Variants in GOLGA8A observed in about 807,000 individuals in gnomAD.
GOLGA8A encodes golgin A8 family member A.
GOLGA8A carries 3 observed loss-of-function variants against 22.1 expected under a neutral mutation model. The ratio of observed to expected loss-of-function variants is 0.14; its 90% CI spans 0.06 to 0.35. The LOEUF is 0.35. GOLGA8A is among the 10% of genes least tolerant of loss of function. The pLI, the probability that GOLGA8A is intolerant of heterozygous loss-of-function variation, is 1.00. For missense variants in GOLGA8A, 16 were observed against 233.2 expected, an observed-to-expected ratio of 0.07 and a Z score of 6.07; for synonymous variants, 7 against 91.7, an observed-to-expected ratio of 0.08 and a Z score of 5.28.
chr15:34,427,468 T>C (rs7171828), intron 2 of GOLGA8A, among the ~76,000 whole-genome samples: 18,499 of 148,864 alleles, frequency 0.12, 2,390 homozygotes, highest in Non-Finnish European at 0.15. Context: ...TGGTTCCATT[T>C]TAACTTCTTC....
chr15:34,379,723 CTAA>C lies in GOLGA8A; in HGVS notation c.*1685_*1687del, dbSNP rs1341065660. 6.6e-6 allele frequency: 1 copy of C among 152,608 alleles called. No individual in the cohort carries two copies. The highest frequency in any genetic ancestry group is 1.5e-5 in the Non-Finnish European group (1 of 68,046). 9.5% of individuals were successfully genotyped at this position (152,608 alleles called of 1,614,324 possible). On this transcript the variant is annotated 3_prime_UTR_variant, in exon 25 of 25. Coordinates refer to ENST00000359187, the MANE Select transcript of GOLGA8A (RefSeq NM_181077.5). ...GCACACCTACATATCTCCCTACAACCTAATAATGTGATGTGTTTTGGAACACAG... is the reference window on the plus strand; with the variant it reads ...GCACACCTACATATCTCCCTACAACCTAATGTGATGTGTTTTGGAACACAG...
At chr15:34,423,153 C>T (rs150017562) in intron 2 of GOLGA8A, among the ~76,000 whole-genome samples, 2,124 of 124,270 alleles carry the variant, frequency 0.017, 511 homozygotes, top group Non-Finnish European at 0.026. Context: ...CATCACACTT[C>T]GAACCTTCCT....
At chr15:34,432,052 G>A (rs77762861) in intron 2 of GOLGA8A, among the ~76,000 whole-genome samples, 8 of 149,026 alleles carry the variant, frequency 5.4e-5, no homozygotes, top group Non-Finnish European at 8.9e-5. Context: ...AGAGTTTCAC[G>A]ACCAAACGTC....
In GOLGA8A at chr15:34,379,202, T is replaced by C. The variant is rs1891353457; in HGVS notation, c.*2209A>G. The C allele has an allele frequency of 1.3e-5, 2 of 152,674 alleles. No homozygotes were observed. Among genetic ancestry groups the C allele is most frequent in the Admixed American group, 1.3e-4 (2 of 15,286 alleles). 9.5% of individuals were successfully genotyped at this position (152,674 alleles called of 1,614,324 possible). The stretch of plus-strand genomic sequence containing the variant: ...AGAACTCATACATTGGTAAAATTCA[T>C]TCTAAGAAAACTTGGCAAATAACGC... On this transcript the variant is annotated 3_prime_UTR_variant, in exon 25 of 25. Coordinates refer to ENST00000359187, the MANE Select transcript of GOLGA8A (RefSeq NM_181077.5).
intron 1 of GOLGA8A, among the ~76,000 whole-genome samples, chr15:34,436,819 A>C (rs369575511): frequency 6.7e-6 from 1 of 149,664 alleles, no homozygotes. Context: ...CGTGCCCCCA[A>C]CCCGGCGCCT....
chr15:34,434,693 C>T (rs79141346), intron 2 of GOLGA8A, among the ~76,000 whole-genome samples: 11,977 of 149,132 alleles, frequency 0.08, 1,427 homozygotes, highest in East Asian at 0.16. Flanking sequence ...AATGAGCACC[C>T]CCAGCCCCCG....
At chr15:34,437,279 G>C (rs1404469572) in intron 1 of GOLGA8A, 119 bp downstream of exon 1, 1 of 145,406 alleles carries the variant, frequency 6.9e-6, no homozygotes, top group Non-Finnish European at 1.5e-5. Flanking sequence ...GGCAGCGCTC[G>C]GGAGCTCTTG....
intron 2 of GOLGA8A, among the ~76,000 whole-genome samples, chr15:34,411,422 ATGTGTGTGTGTGTGTGTG>A (rs3053180): frequency 1.0e-5 from 1 of 98,588 alleles, no homozygotes; most frequent in Non-Finnish European, 2.0e-5. Context: ...GAATTCATGA[ATGTGTGTGTGTGTGTGTG>A]TGTGTGTGTG....
chr15:34,431,343 A>ATC (rs1566914036), intron 2 of GOLGA8A, among the ~76,000 whole-genome samples: 2 of 119,310 alleles, frequency 1.7e-5, no homozygotes, highest in African/African-American at 3.2e-5. Context: ...ATATATATAT[A>ATC]TATCTCACAC....
At chr15:34,384,662 T>TAC (rs137863515) in intron 16 of GOLGA8A, among the ~76,000 whole-genome samples, 4 of 2,618 alleles carry the variant, frequency 1.5e-3, no homozygotes, top group African/African-American at 7.1e-3. Context: ...TCATACTATG[T>TAC]ACACACACAC....
chr15:34,379,135 A>G lies in GOLGA8A; in HGVS notation c.*2276T>C, dbSNP rs1059949. The stretch of plus-strand genomic sequence containing the variant: ...ATCAGCAGTCAATAATGCCACTTTA[A>G]GCAAAAGTCTTTCAGTATTTCCGTT... On this transcript the variant is annotated 3_prime_UTR_variant, in exon 25 of 25. Transcript: ENST00000359187. The G allele has an allele frequency of 3.3e-5, 5 of 152,776 alleles. No individual in the cohort carries two copies. The highest frequency in any genetic ancestry group is 2.1e-4 in the South Asian group (1 of 4,832). The allele number at this position is 152,776 out of a possible 1,614,324, so 9.5% of individuals were successfully genotyped here.
intron 1 of GOLGA8A, among the ~76,000 whole-genome samples, chr15:34,436,672 C>A (rs1471599358): frequency 2.0e-5 from 3 of 149,664 alleles, no homozygotes; most frequent in East Asian, 3.9e-4. Context: ...GGCCCGCCGC[C>A]CGACCCATGG....
rs1059933 is a variant in GOLGA8A, at chr15:34,379,225, C to T, written c.*2186G>A. 2.0e-5 allele frequency: 3 copies of T among 152,632 alleles called. No individual in the cohort carries two copies. Among genetic ancestry groups the T allele is most frequent in the African/African-American group, 4.8e-5 (2 of 41,452 alleles). 9.5% of individuals were successfully genotyped at this position (152,632 alleles called of 1,614,324 possible). On this transcript the variant is annotated 3_prime_UTR_variant, in exon 25 of 25. Transcript: ENST00000359187. ...CATTCTAAGAAAACTTGGCAAATAA[C>T]GCTTTGGCCTGGAATTGGCATTTCT...
At chr15:34,423,691 G>A (rs1218269621) in intron 2 of GOLGA8A, among the ~76,000 whole-genome samples, 1 of 148,664 alleles carries the variant, frequency 6.7e-6, no homozygotes, top group Non-Finnish European at 1.5e-5. Context: ...GGGGCCATGG[G>A]TCCCAGTGGA....
At position 34,430,903 on chromosome 15, in the gene GOLGA8A, G is replaced by A. The variant is rs550882490; in HGVS notation, c.-1123+4480C>T. 3.1e-4 allele frequency among the ~76,000 whole-genome samples: 47 copies of A among 149,256 alleles called. 4 individuals carry two copies. The highest frequency in any genetic ancestry group is 1.1e-3 in the African/African-American group (44 of 40,436). On this transcript the variant is annotated intron_variant, in intron 2 of 24. Coordinates refer to ENST00000359187, the MANE Select transcript of GOLGA8A (RefSeq NM_181077.5). Reference sequence around the variant, plus strand: ...CCAGAGCTTCCAGTTCCTAACACACGCCTGGCCCCACTGCACCACACCCGT... The same window carrying A: ...CCAGAGCTTCCAGTTCCTAACACACACCTGGCCCCACTGCACCACACCCGT...
At chr15:34,426,098 T>C (rs11636146) in intron 2 of GOLGA8A, among the ~76,000 whole-genome samples, 14,820 of 148,140 alleles carry the variant, frequency 0.1, 1,976 homozygotes, top group Non-Finnish European at 0.15. Context: ...AGTCCACTTC[T>C]AGGAATCTAT....
Position 34,380,154 on chromosome 15 carries a change from C to A in GOLGA8A, c.*1257G>T, listed in dbSNP as rs946102209. 1 of 152,212 alleles carries A rather than the reference C, an allele frequency of 6.6e-6. No homozygotes were observed. Among genetic ancestry groups the A allele is most frequent in the Non-Finnish European group, 1.5e-5 (1 of 68,032 alleles). The allele number at this position is 152,212 out of a possible 1,614,324, so 9.4% of individuals were successfully genotyped here. On this transcript the variant is annotated 3_prime_UTR_variant, in exon 25 of 25. Coordinates refer to ENST00000359187, the MANE Select transcript of GOLGA8A (RefSeq NM_181077.5). ...TAGTTTATAATAATGTTTGTTATTA[C>A]TTTCTAAAGTGTTTTCCACTCAAGG...
At chr15:34,431,342 T>C (rs1249559598) in intron 2 of GOLGA8A, among the ~76,000 whole-genome samples, 3 of 96,448 alleles carry the variant, frequency 3.1e-5, no homozygotes, top group African/African-American at 1.3e-4. Context: ...TATATATATA[T>C]ATATCTCACA....
At chr15:34,412,808 C>T (rs1170228619) in intron 2 of GOLGA8A, among the ~76,000 whole-genome samples, 6 of 144,472 alleles carry the variant, frequency 4.2e-5, no homozygotes, top group African/African-American at 9.9e-5. Context: ...GCTGGCATAG[C>T]GAACACGGTA....
Sources: gnomAD v4.1 joint callset for allele counts (sites outside exome capture counted in the v4.1 genomes callset) on GRCh38, gnomAD v4.1.1 for gene constraint, MANE v1.5 for transcripts, NCBI Gene and HGNC (gene_info 2026-07-23, HGNC 2026-07-21) for gene names.